Variants in TTC28 observed in about 807,000 individuals in gnomAD.
TTC28 encodes tetratricopeptide repeat domain 28.
In TTC28, 61 loss-of-function variants were observed where a neutral mutation model predicts 198.0. That is an observed-to-expected ratio of 0.31 (90% CI 0.25 to 0.38). The LOEUF (loss-of-function observed/expected upper bound fraction) is 0.38. Ranked by LOEUF, TTC28 falls within the 10% of genes least tolerant of loss-of-function variation. TTC28 has a pLI of 1.00. For missense variants in TTC28, 2,678 were observed against 3,164.0 expected (o/e 0.85, Z 3.69); for synonymous variants, 1,171 against 1,297.8 (o/e 0.90, Z 2.10).
chr22:28,643,182 C>T (rs752023731), intron 1 of TTC28: 4 of 152,210 alleles, frequency 2.6e-5, no homozygotes, highest in Non-Finnish European at 4.4e-5. Flanking sequence ...TCATAGCGTA[C>T]TATAACCTAC....
Position 27,989,918 on chromosome 22 carries a change from C to A in TTC28, c.5667G>T (p.Leu1889=). The change falls in exon 21 of 23, where the codon CTG becomes CTT. Residue 1889 remains leucine (L), a synonymous_variant. Transcript: ENST00000397906. ...ACTCGTGGCATCCCGGGAGCCGCCA[C>A]AGCTGGACGCTGATGGAGACCTGAA... The part of the protein sequence containing the change: ...APIQVSISVQ[L]WRLPGCHEFL... 6.4e-7 allele frequency: 1 copy of A among 1,551,432 alleles called. No homozygotes were observed.
intron 2 of TTC28, among the ~76,000 whole-genome samples, chr22:28,456,261 A>T (rs2146265361): frequency 6.6e-6 from 1 of 152,268 alleles, no homozygotes; most frequent in Non-Finnish European, 1.5e-5. Context: ...ATTTATGTAA[A>T]ATGTCCAGAA....
At chr22:28,480,521 G>A (rs1257933158) in intron 2 of TTC28, among the ~76,000 whole-genome samples, 2 of 152,152 alleles carry the variant, frequency 1.3e-5, no homozygotes, top group Non-Finnish European at 1.5e-5. Flanking sequence ...TCTGTCAAAA[G>A]CAGTCTGGCA....
chr22:28,637,356 T>C (rs936631281), intron 1 of TTC28, among the ~76,000 whole-genome samples: 15 of 152,134 alleles, frequency 9.9e-5, no homozygotes, highest in Non-Finnish European at 2.2e-4. Flanking sequence ...TTATGTGTGG[T>C]GTAGGTTAAG....
chr22:28,191,287 G>T (rs934377973), intron 5 of TTC28, among the ~76,000 whole-genome samples: 3 of 152,234 alleles, frequency 2.0e-5, no homozygotes, highest in Non-Finnish European at 4.4e-5. Context: ...ACTAAATAGA[G>T]ATGAAAACAA....
chr22:28,035,726 T>C (rs1281503063), intron 12 of TTC28, among the ~76,000 whole-genome samples: 1 of 152,192 alleles, frequency 6.6e-6, no homozygotes, highest in Non-Finnish European at 1.5e-5. Context: ...CCTTTGAAAC[T>C]TTCCCGTGTG....
At chr22:28,470,006 T>C (rs2048077766) in intron 2 of TTC28, among the ~76,000 whole-genome samples, 1 of 152,002 alleles carries the variant, frequency 6.6e-6, no homozygotes, top group African/African-American at 2.4e-5. Context: ...CAGTTAATTT[T>C]TTTCTTTTCC....
At chr22:27,992,367 C>T (rs866749263) in intron 19 of TTC28, 5 of 579,324 alleles carry the variant, frequency 8.6e-6, no homozygotes, top group Admixed American at 3.1e-5. Flanking sequence ...GGGGCAGTGC[C>T]GCTGGCACGG....
chr22:28,610,169 G>C (rs2050797109), intron 2 of TTC28, among the ~76,000 whole-genome samples: 1 of 152,174 alleles, frequency 6.6e-6, no homozygotes, highest in African/African-American at 2.4e-5. Flanking sequence ...AGCTTCAGCA[G>C]ACTTAAACGT....
chr22:28,085,364 C>A (rs1263788164), intron 12 of TTC28, among the ~76,000 whole-genome samples: 1 of 152,118 alleles, frequency 6.6e-6, no homozygotes, highest in Non-Finnish European at 1.5e-5. Context: ...ATTCAACATT[C>A]TTAAAGAAAA....
At chr22:28,076,546 A>G (rs1180973973) in intron 12 of TTC28, among the ~76,000 whole-genome samples, 2 of 152,140 alleles carry the variant, frequency 1.3e-5, no homozygotes, top group African/African-American at 4.8e-5. Flanking sequence ...ACACTCTTCC[A>G]TCATGCACAA....
At chr22:28,279,846 C>T (rs907603591) in intron 5 of TTC28, among the ~76,000 whole-genome samples, 6 of 152,190 alleles carry the variant, frequency 3.9e-5, no homozygotes, top group Non-Finnish European at 7.4e-5. Context: ...ATTAGTTTTG[C>T]CTGTTCTAGA....
intron 2 of TTC28, among the ~76,000 whole-genome samples, chr22:28,551,723 T>C (rs1185381007): frequency 6.6e-6 from 1 of 152,192 alleles, no homozygotes; most frequent in African/African-American, 2.4e-5. Flanking sequence ...AGAAGGGACA[T>C]ACTTTAATGT....
chr22:28,652,133 C>T (rs887210803), intron 1 of TTC28, among the ~76,000 whole-genome samples: 8 of 152,240 alleles, frequency 5.3e-5, no homozygotes, highest in Admixed American at 4.6e-4. Context: ...AGCCACTGTG[C>T]CTGGCCTGAA....
chr22:28,474,990 G>A (rs2048142145), intron 2 of TTC28, among the ~76,000 whole-genome samples: 1 of 151,546 alleles, frequency 6.6e-6, no homozygotes, highest in Non-Finnish European at 1.5e-5. Flanking sequence ...GAATGAAAAA[G>A]GAACAGGCTT....
intron 2 of TTC28, among the ~76,000 whole-genome samples, chr22:28,391,737 G>A (rs533455675): frequency 2.0e-4 from 31 of 152,162 alleles, no homozygotes; most frequent in Non-Finnish European, 3.5e-4. Flanking sequence ...CTAGTTATAC[G>A]TTCTTCTAAA....
intron 5 of TTC28, among the ~76,000 whole-genome samples, chr22:28,234,959 T>G (rs183922019): frequency 6.6e-6 from 1 of 152,294 alleles, no homozygotes; most frequent in African/African-American, 2.4e-5. Flanking sequence ...GTTGTGATCT[T>G]TTATGTTATT....
rs1014964366 is a variant in TTC28 at position 27,999,072 on chromosome 22, G to C, written c.4587C>G (p.Thr1529=). ...TCAGGGCACTCATGACCCTCTCCTT[G>C]GTGGCCACACTGCCCACTAGGGGCT... ...GCQPLVGSVA[T]KERVMSALTQ... The change falls in exon 16 of 23, where the codon ACC becomes ACG. Residue 1529 remains threonine, a synonymous_variant. Transcript: ENST00000397906. The C allele has an allele frequency of 2.1e-5, 33 of 1,550,406 alleles. No individual in the cohort carries two copies. Among genetic ancestry groups the C allele is most frequent in the Non-Finnish European group, 2.8e-5 (32 of 1,146,994 alleles).
intron 2 of TTC28, among the ~76,000 whole-genome samples, chr22:28,391,565 T>G (rs1275682874): frequency 1.3e-5 from 2 of 152,200 alleles, no homozygotes; most frequent in Non-Finnish European, 2.9e-5. Context: ...TTCTCTAAAC[T>G]TCCCTTCTTG....
Sources: gnomAD v4.1 joint callset for allele counts (sites outside exome capture counted in the v4.1 genomes callset) on GRCh38, gnomAD v4.1.1 for gene constraint, MANE v1.5 for transcripts, NCBI Gene and HGNC (gene_info 2026-07-23, HGNC 2026-07-21) for gene names.